The following SPEN variants were observed in gnomAD, a reference collection of about 807,000 sequenced individuals.
SPEN encodes the protein msx2-interacting protein.
A neutral mutation model predicts 269.9 loss-of-function variants in SPEN; 18 were observed. The observed-to-expected ratio is 0.07, with a 90% CI of 0.05 to 0.10. The LOEUF (loss-of-function observed/expected upper bound fraction) is 0.10. Ranked by LOEUF, SPEN falls within the 10% of genes least tolerant of loss-of-function variation. The pLI, the probability that SPEN is intolerant of heterozygous loss-of-function variation, is 1.00. For missense variants in SPEN, 3,822 were observed against 4,631.2 expected (o/e 0.83, Z 5.07); for synonymous variants, 1,726 against 1,765.7 (o/e 0.98, Z 0.56).
chr1:15,897,919 T>C (rs1168769378), intron 3 of SPEN, among the ~76,000 whole-genome samples: 1 of 152,208 alleles, frequency 6.6e-6, no homozygotes, highest in Non-Finnish European at 1.5e-5. Context: ...TTTATACAGT[T>C]GAGTCCTGCA....
intron 1 of SPEN, among the ~76,000 whole-genome samples, chr1:15,851,593 A>G (rs759428752): frequency 2.0e-5 from 3 of 152,238 alleles, no homozygotes; most frequent in Non-Finnish European, 2.9e-5. Context: ...TCAGATTTTA[A>G]GTAAGTTGCG....
At chr1:15,899,546 T>G (rs971967667) in intron 3 of SPEN, among the ~76,000 whole-genome samples, 3 of 148,040 alleles carry the variant, frequency 2.0e-5, no homozygotes, top group African/African-American at 7.4e-5. Context: ...AGTTTTTTTT[T>G]TTTTTTTTTT....
intron 3 of SPEN, among the ~76,000 whole-genome samples, chr1:15,891,434 G>C (rs1236230459): frequency 1.3e-5 from 2 of 151,086 alleles, no homozygotes; most frequent in Non-Finnish European, 3.0e-5. Context: ...TCAGTGCAAG[G>C]TCCGCCTCCT....
In SPEN at chr1:15,935,299, A is replaced by C. The variant is rs751560487; in HGVS notation, c.9059A>C (p.Lys3020Thr). The C allele has an allele frequency of 1.9e-6, 3 of 1,614,046 alleles. No individual in the cohort carries two copies. In the South Asian group the frequency reaches 3.3e-5, roughly 18 times the overall value. Reference sequence around the variant, plus strand: ...ACTGTCTCCCATTTGGCAGCTGCAAAGCTAGATGCTCATTCTCCTCGACCA... The same window carrying C: ...ACTGTCTCCCATTTGGCAGCTGCAACGCTAGATGCTCATTCTCCTCGACCA... ...DRTVSHLAAA[K>T]LDAHSPRPSG... Residue 3020 changes from lysine (K) to threonine (T), a missense_variant, in exon 11 of 15, where the codon AAG becomes ACG. Transcript: ENST00000375759. The surrounding 1 kb of genome is among the most constrained non-coding windows in gnomAD (Gnocchi z 7.7).
intron 2 of SPEN, among the ~76,000 whole-genome samples, chr1:15,874,673 A>G (rs998036175): frequency 1.3e-5 from 2 of 152,208 alleles, no homozygotes; most frequent in Admixed American, 1.3e-4. Context: ...ACTGATTAAC[A>G]TTTGATAGGG....
At chr1:15,875,166 A>G (rs1328934510) in intron 2 of SPEN, among the ~76,000 whole-genome samples, 2 of 152,170 alleles carry the variant, frequency 1.3e-5, no homozygotes, top group Non-Finnish European at 2.9e-5. Flanking sequence ...CGATTTCTTT[A>G]TAGGATTATA....
In SPEN at chr1:15,922,157, G is replaced by A. The variant is rs2071125435; in HGVS notation, c.1750-92G>A. On this transcript the variant is annotated intron_variant, in intron 9 of 14. Coordinates refer to ENST00000375759, the MANE Select transcript of SPEN (RefSeq NM_015001.3). The stretch of plus-strand genomic sequence containing the variant: ...GCTGTTTCCTGAAATTTTCTCAGAA[G>A]GGCTATGTTGTGAAGAATTTACAAA... 3.3e-6 allele frequency: 3 copies of A among 901,554 alleles called. No individual in the cohort carries two copies. The Admixed American group carries it at 7.2e-5, about 22-fold the overall frequency. 55.8% of individuals were successfully genotyped at this position (901,554 alleles called of 1,614,324 possible).
Position 15,930,618 on chromosome 1 carries a change from G to A in SPEN, c.4378G>A (p.Glu1460Lys), listed in dbSNP as rs780627180. ...TAAATCCCTCTCTTCATCTCGTGAA[G>A]AAAATTGGTCTTTTCTTGATTGGGA... ...RAKSLSSSRE[E>K]NWSFLDWDSR... Residue 1460 changes from glutamate to lysine, a missense_variant, in exon 11 of 15, where the codon GAA becomes AAA. By Grantham distance (56) the Glu-to-Lys change is moderately conservative (BLOSUM62 1). Coordinates refer to ENST00000375759, the MANE Select transcript of SPEN (RefSeq NM_015001.3). The surrounding 1 kb of genome is among the most constrained non-coding windows in gnomAD (Gnocchi z 5.3). 1 of 1,614,130 alleles carries A rather than the reference G, an allele frequency of 6.2e-7. No homozygotes were observed. Among genetic ancestry groups the A allele is most frequent in the South Asian group, 1.1e-5 (1 of 91,082 alleles).
intron 6 of SPEN, among the ~76,000 whole-genome samples, chr1:15,918,462 G>A (rs1334536963): frequency 6.6e-6 from 1 of 152,130 alleles, no homozygotes. Flanking sequence ...CAAGTGATCC[G>A]CCCGCCTCCA....
Position 15,934,709 on chromosome 1 carries a change from G to C in SPEN, c.8469G>C (p.Lys2823Asn), listed in dbSNP as rs995974358. ...TGCTCCTGAGTTACTCAGGGCAGAAGACCGAAGGCCCACAGCGGATCAGCG... is the reference window on the plus strand; with the variant it reads ...TGCTCCTGAGTTACTCAGGGCAGAACACCGAAGGCCCACAGCGGATCAGCG... ...GVVLLSYSGQ[K>N]TEGPQRISAK... The change falls in exon 11 of 15, where the codon AAG (lysine) becomes AAC (asparagine). Residue 2823 changes from lysine to asparagine, a missense_variant. By Grantham distance (94) the Lys-to-Asn change is moderately conservative. Around this residue, in one of 16 missense-constraint regions of SPEN, gnomAD observed 329 missense variants for 431.2 expected, o/e 0.76. Transcript: ENST00000375759. This position sits in a 1 kb window ranked among gnomAD's most constrained non-coding sequence, Gnocchi z 9.2. 1 of 1,614,064 alleles carries C rather than the reference G, an allele frequency of 6.2e-7. No individual in the cohort carries two copies.
At chr1:15,923,880 G>A (rs1449114166) in intron 10 of SPEN, among the ~76,000 whole-genome samples, 2 of 152,130 alleles carry the variant, frequency 1.3e-5, no homozygotes, top group Non-Finnish European at 2.9e-5. Context: ...ATATTGGTCA[G>A]GCTGGTCTTG....
intron 3 of SPEN, among the ~76,000 whole-genome samples, chr1:15,899,563 T>TTTTA (rs2070880021): frequency 2.7e-5 from 4 of 146,322 alleles, no homozygotes; most frequent in Non-Finnish European, 6.0e-5. Context: ...TTTTTTTTTT[T>TTTTA]AAGATCCTGT....
chr1:15,923,653 C>T (rs1179448444), intron 10 of SPEN, among the ~76,000 whole-genome samples: 1 of 150,414 alleles, frequency 6.6e-6, no homozygotes, highest in East Asian at 1.9e-4. Flanking sequence ...TATTGTACAA[C>T]AGTCGTTGAA....
chr1:15,868,016 TAG>T (rs1327940444), intron 1 of SPEN, among the ~76,000 whole-genome samples: 1 of 151,932 alleles, frequency 6.6e-6, no homozygotes, highest in Non-Finnish European at 1.5e-5. Flanking sequence ...GTGTATTTTG[TAG>T]AGTTGGGATT....
chr1:15,939,152 G>T lies in SPEN; in HGVS notation c.10864-144G>T. The T allele has an allele frequency of 8.4e-7, 1 of 1,197,092 alleles. No individual in the cohort carries two copies. Among genetic ancestry groups the T allele is most frequent in the Non-Finnish European group, 1.2e-6 (1 of 864,692 alleles). 74.2% of individuals were successfully genotyped at this position (1,197,092 alleles called of 1,614,324 possible). On this transcript the variant is annotated intron_variant, in intron 14 of 14. Transcript: ENST00000375759. This position sits in a 1 kb window ranked among gnomAD's most constrained non-coding sequence, Gnocchi z 4.1. ...TTTCTGACACCTGCTAGGTCTTCCA[G>T]TAGACATAGTCCTGGCACATTTGCT...
intron 3 of SPEN, among the ~76,000 whole-genome samples, chr1:15,905,121 C>T (rs567160999): frequency 6.6e-6 from 1 of 152,184 alleles, no homozygotes; most frequent in African/African-American, 2.4e-5. Context: ...CTCCTGACCT[C>T]AGGTAATCTA....
intron 3 of SPEN, among the ~76,000 whole-genome samples, chr1:15,905,521 C>T (rs1315559752): frequency 6.6e-6 from 1 of 151,916 alleles, no homozygotes; most frequent in East Asian, 1.9e-4. Flanking sequence ...CATGCCTGGC[C>T]TTCATTTTTA....
At chr1:15,877,775 G>A (rs1192314634) in intron 3 of SPEN, among the ~76,000 whole-genome samples, 1 of 116,196 alleles carries the variant, frequency 8.6e-6, no homozygotes, top group Non-Finnish European at 1.6e-5. Flanking sequence ...ATGGAGTCTC[G>A]CTCTTGTCAC....
Position 15,934,296 on chromosome 1 carries a change from C to T in SPEN, c.8056C>T (p.Pro2686Ser). 6.2e-7 allele frequency: 1 copy of T among 1,614,156 alleles called. No homozygotes were observed. Among genetic ancestry groups the T allele is most frequent in the Admixed American group, 1.7e-5 (1 of 60,034 alleles). ...VTTLKSLVST[P>S]AGPVNVLKGP... ...CACACTGAAAAGTTTGGTGAGCACC[C>T]CTGCTGGGCCCGTGAACGTCCTGAA... The change falls in exon 11 of 15, where the codon CCT becomes TCT. Residue 2686 changes from proline (P) to serine (S), a missense_variant. Pro to Ser is a moderately conservative substitution (Grantham distance 74, BLOSUM62 -1). Coordinates refer to ENST00000375759, the MANE Select transcript of SPEN (RefSeq NM_015001.3). This position sits in a 1 kb window ranked among gnomAD's most constrained non-coding sequence, Gnocchi z 9.2.
Sources: allele counts gnomAD v4.1 joint callset (sites outside exome capture counted in the v4.1 genomes callset), GRCh38; gene constraint gnomAD v4.1.1; regional missense constraint gnomAD v4.1.1; non-coding constraint Gnocchi (gnomAD v3.1); transcripts MANE v1.5; gene names NCBI Gene and HGNC (gene_info 2026-07-23, HGNC 2026-07-21).